SMARCC1: variants seen among roughly 807,000 people sequenced by gnomAD.
The protein encoded by SMARCC1 is SWI/SNF related BAF chromatin remodeling complex subunit C1.
Under a neutral mutation model 147.4 loss-of-function variants are expected in SMARCC1, and 43 were observed. The observed-to-expected ratio is 0.29, with a 90% CI of 0.23 to 0.38. The LOEUF is 0.38. Among genes scored for constraint, SMARCC1 ranks in the 10% least tolerant of loss-of-function variants. The probability of loss-of-function intolerance (pLI) is 1.00; values close to 1 mark genes in which losing one functional copy is unlikely to be tolerated. For synonymous variants in SMARCC1, 495 were observed against 484.4 expected (o/e 1.02, Z -0.29); for missense variants, 1,119 against 1,381.1 (o/e 0.81, Z 3.01).
chr3:47,765,279 C>G (rs185071245), intron 2 of SMARCC1, among the ~76,000 whole-genome samples: 5 of 150,110 alleles, frequency 3.3e-5, no homozygotes, highest in African/African-American at 1.2e-4. Context: ...AAAAAAAAAA[C>G]GGCAAGGAAA....
At position 47,757,373 on chromosome 3, in the gene SMARCC1, CATTA is replaced by C. The variant is rs1311215573; in HGVS notation, c.316-11384_316-11381del. On this transcript the variant is annotated intron_variant, in intron 2 of 27. Transcript: ENST00000254480. ...AGTGGCCAATAAATAAAGTTGCTCACATTAATTAATTATTAGCAACTAGAAAATA... is the reference window on the plus strand; with the variant it reads ...AGTGGCCAATAAATAAAGTTGCTCACATTAATTATTAGCAACTAGAAAATA... Among the ~76,000 whole-genome samples the C allele has an allele frequency of 5.9e-5, 9 of 152,168 alleles. No individual in the cohort carries two copies. The East Asian group carries it at 7.7e-4, about 13-fold the overall frequency.
intron 11 of SMARCC1, among the ~76,000 whole-genome samples, chr3:47,697,349 G>T (rs1249848679): frequency 6.6e-6 from 1 of 151,214 alleles, no homozygotes; most frequent in East Asian, 2.0e-4. Flanking sequence ...CGCCCAGGCT[G>T]GAGTGCCCTG....
chr3:47,748,851 G>C (rs980282678), intron 2 of SMARCC1, among the ~76,000 whole-genome samples: 8 of 152,112 alleles, frequency 5.3e-5, no homozygotes, highest in African/African-American at 1.7e-4. Flanking sequence ...CAAGGAAAGA[G>C]GGACAAGGAA....
chr3:47,601,263 T>C (rs1174971452), intron 26 of SMARCC1, among the ~76,000 whole-genome samples: 1 of 152,082 alleles, frequency 6.6e-6, no homozygotes, highest in Admixed American at 6.5e-5. Context: ...ATTACACTCA[T>C]GACACTTAAT....
intron 5 of SMARCC1, among the ~76,000 whole-genome samples, chr3:47,732,821 A>G (rs911636223): frequency 6.6e-5 from 10 of 152,170 alleles, no homozygotes; most frequent in African/African-American, 2.4e-4. Context: ...ATAATACTAA[A>G]AAAGTAAGCC....
At chr3:47,655,828 T>A (rs1205197344) in intron 21 of SMARCC1, among the ~76,000 whole-genome samples, 1 of 152,206 alleles carries the variant, frequency 6.6e-6, no homozygotes, top group South Asian at 2.1e-4. Flanking sequence ...TATAGTTCTT[T>A]AATCACCAGA....
chr3:47,592,712 C>A (rs2106640418), intron 26 of SMARCC1, among the ~76,000 whole-genome samples: 1 of 152,320 alleles, frequency 6.6e-6, no homozygotes. Context: ...GATCCCCCTG[C>A]CTCAGCCTCT....
At chr3:47,773,631 T>A (rs977310379) in intron 1 of SMARCC1, among the ~76,000 whole-genome samples, 8 of 151,778 alleles carry the variant, frequency 5.3e-5, no homozygotes, top group African/African-American at 1.9e-4. Context: ...TCTCAAAAAA[T>A]TTTTTTTCTT....
intron 1 of SMARCC1, among the ~76,000 whole-genome samples, chr3:47,774,394 C>T (rs2034950242): frequency 6.6e-6 from 1 of 151,818 alleles, no homozygotes; most frequent in Non-Finnish European, 1.5e-5. Context: ...AGCCAGACTC[C>T]GTCTCAAATA....
At chr3:47,619,578 G>A (rs891241961) in intron 25 of SMARCC1, among the ~76,000 whole-genome samples, 2 of 152,240 alleles carry the variant, frequency 1.3e-5, no homozygotes, top group Non-Finnish European at 2.9e-5. Context: ...GGCAAAGAGA[G>A]TAAGGCTGTG....
intron 14 of SMARCC1, among the ~76,000 whole-genome samples, chr3:47,683,136 G>A (rs1006039823): frequency 3.3e-5 from 5 of 152,132 alleles, no homozygotes; most frequent in African/African-American, 7.2e-5. Context: ...TCCACCTCCC[G>A]GGTTCACGCC....
At chr3:47,755,153 G>T (rs1282043208) in intron 2 of SMARCC1, among the ~76,000 whole-genome samples, 3 of 152,152 alleles carry the variant, frequency 2.0e-5, no homozygotes, top group African/African-American at 7.2e-5. Flanking sequence ...GGAGGCTGCA[G>T]TGAGCCAAGA....
At chr3:47,713,984 G>T (rs915769113) in intron 8 of SMARCC1, among the ~76,000 whole-genome samples, 1 of 152,200 alleles carries the variant, frequency 6.6e-6, no homozygotes, top group Admixed American at 6.5e-5. Context: ...CTTGTAAATG[G>T]ATGACAGGAA....
intron 2 of SMARCC1, among the ~76,000 whole-genome samples, chr3:47,763,599 T>C (rs1222943610): frequency 2.0e-5 from 3 of 151,726 alleles, no homozygotes; most frequent in African/African-American, 7.2e-5. Context: ...TCCCAAAGTG[T>C]TGGGATTATA....
intron 3 of SMARCC1, 119 bp downstream of exon 3, chr3:47,745,789 A>G (rs945918234): frequency 1.3e-5 from 7 of 546,050 alleles, no homozygotes; most frequent in African/African-American, 7.8e-5. Context: ...AAGGTAAATT[A>G]GGGCTCTTGG....
chr3:47,626,208 A>G (rs372809464), intron 24 of SMARCC1, among the ~76,000 whole-genome samples: 1 of 151,886 alleles, frequency 6.6e-6, no homozygotes, highest in East Asian at 1.9e-4. Flanking sequence ...GTACAGTAGC[A>G]TGATCTCGGC....
chr3:47,639,909 TA>T, intron 21 of SMARCC1, among the ~76,000 whole-genome samples: 1 of 152,312 alleles, frequency 6.6e-6, no homozygotes, highest in South Asian at 2.1e-4. Context: ...ATCCATCAAT[TA>T]GGTGATAATA....
chr3:47,622,541 G>A (rs2032749374), intron 24 of SMARCC1, among the ~76,000 whole-genome samples, 200 bp from the exon 25 acceptor site: 1 of 152,062 alleles, frequency 6.6e-6, no homozygotes, highest in African/African-American at 2.4e-5. Flanking sequence ...AAGATTAAAG[G>A]AAATGCCTCA....
chr3:47,665,815 TTCA>T (rs1423202946), intron 19 of SMARCC1, among the ~76,000 whole-genome samples: 3 of 152,098 alleles, frequency 2.0e-5, no homozygotes, highest in Non-Finnish European at 4.4e-5. Context: ...GGTTCAGGTC[TTCA>T]TCATTACTTA....
Sources: gnomAD v4.1 joint callset for allele counts (sites outside exome capture counted in the v4.1 genomes callset) on GRCh38, gnomAD v4.1.1 for gene constraint, MANE v1.5 for transcripts, NCBI Gene and HGNC (gene_info 2026-07-23, HGNC 2026-07-21) for gene names.